Variants in ADGRL2 observed in about 807,000 individuals in gnomAD.
ADGRL2 encodes calcium-independent alpha-latrotoxin receptor 2.
A neutral mutation model predicts 157.4 loss-of-function variants in ADGRL2; 44 were observed. The observed-to-expected ratio is 0.28, with a 90% CI of 0.22 to 0.36. The LOEUF is 0.36. ADGRL2 is among the 10% of genes least tolerant of loss of function. The pLI is 1.00. For missense variants in ADGRL2, 1,510 were observed against 1,768.9 expected (o/e 0.85, Z 2.63); for synonymous variants, 585 against 624.7 (o/e 0.94, Z 0.95).
At chr1:81,385,258 G>T (rs934364646) in intron 1 of ADGRL2, among the ~76,000 whole-genome samples, 2 of 152,082 alleles carry the variant, frequency 1.3e-5, no homozygotes, top group African/African-American at 4.8e-5. Flanking sequence ...TCGGGGCTTG[G>T]TGAGTACTGA....
At chr1:81,723,929 G>C (rs777126042) in intron 1 of ADGRL2, among the ~76,000 whole-genome samples, 2 of 152,044 alleles carry the variant, frequency 1.3e-5, no homozygotes, top group African/African-American at 2.4e-5. Context: ...GGAAATGAGG[G>C]AGTACTTTTC....
chr1:81,853,307 A>G (rs2093083186), intron 2 of ADGRL2, among the ~76,000 whole-genome samples: 1 of 152,124 alleles, frequency 6.6e-6, no homozygotes, highest in Non-Finnish European at 1.5e-5. Context: ...TTTTTAGTAA[A>G]CAGCTTGCCT....
intron 2 of ADGRL2, among the ~76,000 whole-genome samples, chr1:81,470,639 G>T (rs2078151905): frequency 6.6e-6 from 1 of 152,150 alleles, no homozygotes; most frequent in Non-Finnish European, 1.5e-5. Context: ...ACATATACCA[G>T]TGAGAGAACC....
intron 2 of ADGRL2, chr1:81,506,179 C>T (rs187465113): frequency 1.3e-5 from 2 of 152,998 alleles, no homozygotes; most frequent in African/African-American, 4.8e-5. Context: ...GCTGGTAGCA[C>T]CTTTTAAAGA....
intron 2 of ADGRL2, among the ~76,000 whole-genome samples, chr1:81,858,886 A>G (rs770773981): frequency 5.9e-5 from 9 of 152,166 alleles, no homozygotes; most frequent in Non-Finnish European, 1.0e-4. Context: ...TCAGTCTACT[A>G]TGGAGTTTTT....
chr1:81,543,802 G>T (rs186191909), intron 2 of ADGRL2, among the ~76,000 whole-genome samples: 64 of 152,242 alleles, frequency 4.2e-4, no homozygotes, highest in Non-Finnish European at 8.1e-4. Context: ...AGAAGCCACA[G>T]GTTATCTCAC....
In ADGRL2 at chr1:81,502,509, C is replaced by G. The variant is rs142858417; in HGVS notation, c.-248+57420C>G. 5,271 of 1,613,962 alleles carry G rather than the reference C, an allele frequency of 3.3e-3. 139 individuals carry two copies. In the African/African-American group the frequency reaches 0.059, roughly 18 times the overall value. On this transcript the variant is annotated intron_variant, in intron 2 of 24. Coordinates refer to the ADGRL2 transcript ENST00000370721. ...CCCATCAACCGAATCCCCATCATGG[C>G]CAAACAGATCCTGGACCTGTACATG...
At chr1:81,763,117 G>C (rs1207154127) in intron 2 of ADGRL2, among the ~76,000 whole-genome samples, 1 of 150,050 alleles carries the variant, frequency 6.7e-6, no homozygotes, top group Admixed American at 6.6e-5. Context: ...TAAGTAGTTT[G>C]TCTTAATTCT....
At chr1:81,648,342 G>A (rs1333655216) in intron 3 of ADGRL2, among the ~76,000 whole-genome samples, 1 of 152,154 alleles carries the variant, frequency 6.6e-6, no homozygotes, top group Admixed American at 6.5e-5. Flanking sequence ...ACACAGCTGG[G>A]ATTCAAACTC....
intron 2 of ADGRL2, among the ~76,000 whole-genome samples, chr1:81,469,560 A>G (rs1003211762): frequency 6.6e-6 from 1 of 152,030 alleles, no homozygotes; most frequent in Non-Finnish European, 1.5e-5. Flanking sequence ...TATCTTTGGT[A>G]TCTTATCCCC....
At chr1:81,946,340 CTTTT>C (rs397861989) in intron 6 of ADGRL2, among the ~76,000 whole-genome samples, 2 of 128,606 alleles carry the variant, frequency 1.6e-5, no homozygotes, top group Non-Finnish European at 1.7e-5. Context: ...GTGCCTTAAT[CTTTT>C]TTTTTTTTTT....
chr1:81,426,817 C>A, intron 1 of ADGRL2: 2 of 517,516 alleles, frequency 3.9e-6, no homozygotes, highest in Admixed American at 2.2e-5. Context: ...GCCTGATGCC[C>A]ATCTACCAGT....
At chr1:81,739,157 G>A (rs2084993805) in intron 1 of ADGRL2, among the ~76,000 whole-genome samples, 1 of 152,238 alleles carries the variant, frequency 6.6e-6, no homozygotes, top group Admixed American at 6.5e-5. Flanking sequence ...TTAGACAAGA[G>A]TTGAATTAAT....
At chr1:81,717,273 G>C (rs1034916403) in intron 1 of ADGRL2, among the ~76,000 whole-genome samples, 2 of 152,202 alleles carry the variant, frequency 1.3e-5, no homozygotes, top group Non-Finnish European at 2.9e-5. Context: ...CTCCGGGTAA[G>C]TCCACAGGAA....
chr1:81,653,412 T>C (rs1233248128), intron 3 of ADGRL2, among the ~76,000 whole-genome samples: 1 of 150,802 alleles, frequency 6.6e-6, no homozygotes, highest in African/African-American at 2.4e-5. Flanking sequence ...TGCAGGACAA[T>C]GACATCTTCA....
At chr1:81,960,816 T>C (rs1278898975) in intron 11 of ADGRL2, among the ~76,000 whole-genome samples, 1 of 152,122 alleles carries the variant, frequency 6.6e-6, no homozygotes, top group Non-Finnish European at 1.5e-5. Context: ...ATGATTTTTA[T>C]CATCACTTTA....
chr1:81,449,868 G>A (rs937896502), intron 2 of ADGRL2, among the ~76,000 whole-genome samples: 4 of 152,152 alleles, frequency 2.6e-5, no homozygotes, highest in Non-Finnish European at 5.9e-5. Flanking sequence ...TGGGATTACA[G>A]GCATGAGACA....
At chr1:81,774,657 T>C (rs1429565845) in intron 2 of ADGRL2, among the ~76,000 whole-genome samples, 2 of 152,198 alleles carry the variant, frequency 1.3e-5, no homozygotes, top group African/African-American at 2.4e-5. Context: ...TCTTCCACCA[T>C]TGTTAGCTCA....
intron 1 of ADGRL2, among the ~76,000 whole-genome samples, chr1:81,391,904 C>A (rs1204856186): frequency 6.6e-6 from 1 of 152,054 alleles, no homozygotes; most frequent in African/African-American, 2.4e-5. Context: ...TTATTAAATC[C>A]TTACCATTAT....
Sources: allele counts gnomAD v4.1 joint callset (sites outside exome capture counted in the v4.1 genomes callset), GRCh38; gene constraint gnomAD v4.1.1; transcripts MANE v1.5; gene names NCBI Gene and HGNC (gene_info 2026-07-23, HGNC 2026-07-21).